ZNF345: variants seen among roughly 807,000 people sequenced by gnomAD.
ZNF345 encodes the protein zinc finger protein 345.
For synonymous variants in ZNF345, 166 were observed against 187.9 expected (o/e 0.88, Z 0.95); for missense variants, 527 against 589.9 (o/e 0.89, Z 1.10).
At chr19:36,890,431 G>A (rs1476336495) in intron 3 of ZNF345, 1 of 152,130 alleles carries the variant, frequency 6.6e-6, no homozygotes, top group Non-Finnish European at 1.5e-5. Context: ...CTGTGTTATG[G>A]ATCTGGGTGT....
At chr19:36,850,408 T>G (rs1600679756), upstream of ZNF345, 1 of 152,218 alleles carries the variant, frequency 6.6e-6, no homozygotes, top group Non-Finnish European at 1.5e-5. Flanking sequence ...CAAGAAGGAC[T>G]TGGTTAAAGA....
chr19:36,891,571 G>C, intron 3 of ZNF345: 1 of 1,612,818 alleles, frequency 6.2e-7, no homozygotes, highest in African/African-American at 1.3e-5. Context: ...ACAGTCATAG[G>C]GTTTCTCACC....
chr19:36,854,901 T>C (rs2146122261), intron 2 of ZNF345, among the ~76,000 whole-genome samples: 1 of 151,484 alleles, frequency 6.6e-6, no homozygotes, highest in Admixed American at 6.6e-5. Context: ...TTGCCCAGGC[T>C]GGAGTGCAGT....
chr19:36,853,411 G>A (rs920630261), intron 2 of ZNF345, among the ~76,000 whole-genome samples: 4 of 152,056 alleles, frequency 2.6e-5, no homozygotes, highest in African/African-American at 9.6e-5. Flanking sequence ...ACCATACCTG[G>A]CTAATTTTGT....
rs151337812 is a variant in ZNF345, at chr19:36,877,644, G to A, written c.814G>A (p.Ala272Thr). The A allele has an allele frequency of 1.2e-6, 2 of 1,613,546 alleles. No homozygotes were observed. Among genetic ancestry groups the A allele is most frequent in the African/African-American group, 2.7e-5 (2 of 74,768 alleles). ...ECGKAFSFGS[A>T]LTRHQRIHTG... Reference sequence around the variant, plus strand: ...TGGTAAGGCCTTTAGTTTTGGATCAGCCCTTACTCGACATCAAAGAATTCA... The same window carrying A: ...TGGTAAGGCCTTTAGTTTTGGATCAACCCTTACTCGACATCAAAGAATTCA... The change falls in exon 3 of 3, where the codon GCC becomes ACC. Residue 272 changes from alanine (A) to threonine (T), a missense_variant. Ala to Thr is a moderately conservative substitution (Grantham distance 58). Coordinates refer to ENST00000420450, the MANE Select transcript of ZNF345 (RefSeq NM_001242472.2).
chr19:36,875,700 A>G (rs2072869809), intron 2 of ZNF345, among the ~76,000 whole-genome samples: 1 of 152,210 alleles, frequency 6.6e-6, no homozygotes, highest in Admixed American at 6.5e-5. Flanking sequence ...TGGAGACTGA[A>G]AGAACAATTT....
At chr19:36,865,641 C>CT (rs935524672) in intron 2 of ZNF345, among the ~76,000 whole-genome samples, 40 of 152,000 alleles carry the variant, frequency 2.6e-4, no homozygotes, top group African/African-American at 9.7e-4. Flanking sequence ...TTGTATAGTA[C>CT]TTTTTTAAAT....
intron 2 of ZNF345, among the ~76,000 whole-genome samples, chr19:36,854,854 CTTTT>C: frequency 6.8e-6 from 1 of 147,572 alleles, no homozygotes; most frequent in East Asian, 2.0e-4. Flanking sequence ...TTTTTCTTTT[CTTTT>C]CTTTTTTTTT....
intron 3 of ZNF345, chr19:36,889,932 C>T (rs1214543264): frequency 6.6e-6 from 1 of 152,154 alleles, no homozygotes; most frequent in Non-Finnish European, 1.5e-5. Flanking sequence ...CTTAGCACTG[C>T]TTTTGCTGTA....
At position 36,879,538 on chromosome 19, in the gene ZNF345, T is replaced by G. The variant is rs771482313; in HGVS notation, c.*1241T>G. ...CACCTGTCTTTATCAAACCCCAATT[T>G]TGTCAAATATTAAAAATTTTGCCAT... is the stretch of plus-strand genomic sequence containing the variant. On this transcript the variant is annotated 3_prime_UTR_variant, in exon 3 of 3. Transcript: ENST00000420450. 1.3e-4 allele frequency: 22 copies of G among 166,992 alleles called. No homozygotes were observed. Among genetic ancestry groups the G allele is most frequent in the Non-Finnish European group, 2.6e-4 (18 of 68,122 alleles). The allele number at this position is 166,992 out of a possible 1,614,324, so 10.3% of individuals were successfully genotyped here. A position where few individuals can be genotyped will look rare whatever the true frequency, so the allele number is the denominator to read the frequency against.
chr19:36,863,375 T>G (rs2146157139), intron 2 of ZNF345, among the ~76,000 whole-genome samples: 1 of 152,340 alleles, frequency 6.6e-6, no homozygotes, highest in Middle Eastern at 3.4e-3. Context: ...GATGTTATCA[T>G]AGGGTTTTCA....
Position 36,878,133 on chromosome 19 carries a change from T to C in ZNF345, c.1303T>C (p.Phe435Leu). The C allele has an allele frequency of 6.2e-7, 1 of 1,614,122 alleles. No homozygotes were observed. The highest frequency in any genetic ancestry group is 8.5e-7 in the Non-Finnish European group (1 of 1,180,006). Residue 435 changes from phenylalanine to leucine, a missense_variant, in exon 3 of 3, where the codon TTT (phenylalanine) becomes CTT (leucine). Physicochemically the swap from Phe to Leu is conservative, Grantham distance 22 (BLOSUM62 0). Coordinates refer to ENST00000420450, the MANE Select transcript of ZNF345 (RefSeq NM_001242472.2). ...TGAATGTAAGGAGTGTGGGAAGGCT[T>C]TTTATAGTGGCTCAAGCCTTACTCA... ...PYECKECGKA[F>L]YSGSSLTQHQ...
intron 2 of ZNF345, among the ~76,000 whole-genome samples, chr19:36,861,734 G>T (rs1266398124): frequency 6.6e-6 from 1 of 151,624 alleles, no homozygotes; most frequent in Non-Finnish European, 1.5e-5. Flanking sequence ...CAAATTTTTT[G>T]TATTTTTAGT....
At chr19:36,857,411 A>G (rs1165179028) in intron 2 of ZNF345, among the ~76,000 whole-genome samples, 1 of 152,034 alleles carries the variant, frequency 6.6e-6, no homozygotes, top group Non-Finnish European at 1.5e-5. Flanking sequence ...GGTTCACGCC[A>G]TTCTCCTGCC....
chr19:36,880,855 A>G (rs1235894850), downstream of ZNF345, among the ~76,000 whole-genome samples: 1 of 152,212 alleles, frequency 6.6e-6, no homozygotes, highest in East Asian at 1.9e-4. Flanking sequence ...TTACATAGCA[A>G]AACCTGTGAG....
intron 2 of ZNF345, among the ~76,000 whole-genome samples, chr19:36,868,804 T>C (rs1193236233): frequency 6.6e-6 from 1 of 151,928 alleles, no homozygotes; most frequent in African/African-American, 2.4e-5. Context: ...TTTTTTACTT[T>C]TAGTAGAGAC....
At chr19:36,887,372 T>C (rs1468172094) in intron 3 of ZNF345, among the ~76,000 whole-genome samples, 1 of 152,220 alleles carries the variant, frequency 6.6e-6, no homozygotes, top group Non-Finnish European at 1.5e-5. Context: ...AATAATAATG[T>C]ACCAATACTT....
chr19:36,878,586 C>A lies in ZNF345; in HGVS notation c.*289C>A. The A allele has an allele frequency of 4.2e-6, 1 of 240,014 alleles. No homozygotes were observed. The highest frequency in any genetic ancestry group is 8.5e-6 in the Non-Finnish European group (1 of 117,172). 14.9% of individuals were successfully genotyped at this position (240,014 alleles called of 1,614,324 possible). On this transcript the variant is annotated 3_prime_UTR_variant, in exon 3 of 3. Coordinates refer to ENST00000420450, the MANE Select transcript of ZNF345 (RefSeq NM_001242472.2). The stretch of plus-strand genomic sequence containing the variant: ...CCTCAACTTTAAACATTGGAAAACT[C>A]ATTTCTGGGTTAATCCTACTATATT...
At chr19:36,851,331 TGC>T in intron 1 of ZNF345, 1 of 152,274 alleles carries the variant, frequency 6.6e-6, no homozygotes, top group African/African-American at 2.4e-5. Flanking sequence ...TGTGTGTGTG[TGC>T]GCGCGCGTTG....
Sources: allele counts gnomAD v4.1 joint callset (sites outside exome capture counted in the v4.1 genomes callset), GRCh38; gene constraint gnomAD v4.1.1; transcripts MANE v1.5; gene names NCBI Gene and HGNC (gene_info 2026-07-23, HGNC 2026-07-21).